TNNI3K: variants seen among roughly 807,000 people sequenced by gnomAD.
TNNI3K encodes the protein serine/threonine-protein kinase TNNI3K.
TNNI3K carries 140 observed loss-of-function variants against 114.5 expected under a neutral mutation model. That is an observed-to-expected ratio of 1.22 (90% CI 1.07 to 1.41). TNNI3K has a LOEUF of 1.41. Ranked by LOEUF, TNNI3K falls within the 40% of genes most tolerant of loss-of-function variation. The pLI is 0.00. For synonymous variants in TNNI3K, 347 were observed against 347.5 expected, an observed-to-expected ratio of 1.00 and a Z score of 0.02; for missense variants, 1,125 against 1,007.6, an observed-to-expected ratio of 1.12 and a Z score of -1.58.
intron 2 of TNNI3K, 51 bp from the exon 3 acceptor site, chr1:74,249,408 C>A: frequency 6.5e-7 from 1 of 1,541,512 alleles, no homozygotes; most frequent in Non-Finnish European, 8.8e-7. Flanking sequence ...AAATGAAAGA[C>A]AATATGCTAA....
chr1:74,466,013 CTT>C (rs1416717652), intron 21 of TNNI3K, among the ~76,000 whole-genome samples: 2 of 152,316 alleles, frequency 1.3e-5, no homozygotes, highest in East Asian at 1.9e-4. Flanking sequence ...GATGTTCACT[CTT>C]TGGTCCACGC....
At chr1:74,326,494 G>T (rs1441975616) in intron 5 of TNNI3K, among the ~76,000 whole-genome samples, 1 of 152,140 alleles carries the variant, frequency 6.6e-6, no homozygotes, top group Non-Finnish European at 1.5e-5. Flanking sequence ...TTTAAATAAG[G>T]TCTGGCTATT....
chr1:74,485,935 G>A (rs1475848024), intron 21 of TNNI3K, among the ~76,000 whole-genome samples: 2 of 152,116 alleles, frequency 1.3e-5, no homozygotes, highest in Non-Finnish European at 2.9e-5. Flanking sequence ...GAATCACAGT[G>A]CCTGCTGACT....
chr1:74,408,465 G>A (rs1570584594), intron 17 of TNNI3K, among the ~76,000 whole-genome samples: 1 of 152,186 alleles, frequency 6.6e-6, no homozygotes, highest in Non-Finnish European at 1.5e-5. Context: ...ATTGCCCAAT[G>A]TATAACAGAT....
chr1:74,310,493 A>G (rs543231866), intron 5 of TNNI3K, among the ~76,000 whole-genome samples: 1 of 152,288 alleles, frequency 6.6e-6, no homozygotes, highest in East Asian at 1.9e-4. Flanking sequence ...GAACCAAAAA[A>G]TACCCTGAAT....
intron 23 of TNNI3K, among the ~76,000 whole-genome samples, chr1:74,500,734 A>G (rs549095758): frequency 5.0e-4 from 75 of 149,258 alleles, no homozygotes; most frequent in Non-Finnish European, 1.0e-3. Flanking sequence ...GATATTTAGT[A>G]GATAGAGGAT....
chr1:74,248,839 T>C (rs1654752172), intron 2 of TNNI3K, among the ~76,000 whole-genome samples: 2 of 152,226 alleles, frequency 1.3e-5, no homozygotes, highest in Non-Finnish European at 2.9e-5. Context: ...GTCTTCATTC[T>C]GAAGGCTCTT....
chr1:74,314,543 G>A (rs1473301833), intron 5 of TNNI3K, among the ~76,000 whole-genome samples: 1 of 152,076 alleles, frequency 6.6e-6, no homozygotes, highest in Non-Finnish European at 1.5e-5. Flanking sequence ...GTTTAAAAAT[G>A]GGGGTGTGGA....
intron 5 of TNNI3K, among the ~76,000 whole-genome samples, chr1:74,324,389 G>A (rs1570466797): frequency 6.6e-6 from 1 of 152,232 alleles, no homozygotes; most frequent in East Asian, 1.9e-4. Flanking sequence ...ACTGCAAACA[G>A]TAACATAGTC....
intron 20 of TNNI3K, among the ~76,000 whole-genome samples, chr1:74,459,839 AC>A (rs1667374193): frequency 6.6e-6 from 1 of 152,094 alleles, no homozygotes. Flanking sequence ...ACAAATTGAC[AC>A]CATGGTTATA....
intron 20 of TNNI3K, among the ~76,000 whole-genome samples, chr1:74,447,056 A>G (rs1666729185): frequency 1.4e-5 from 2 of 147,230 alleles, no homozygotes; most frequent in Admixed American, 6.9e-5. Flanking sequence ...ACTTTAAAGT[A>G]GTTTTTTCCA....
chr1:74,341,112 G>A (rs1275130597), intron 7 of TNNI3K, among the ~76,000 whole-genome samples: 1 of 152,098 alleles, frequency 6.6e-6, no homozygotes, highest in Non-Finnish European at 1.5e-5. Flanking sequence ...TAAAACAAAT[G>A]GCTTTAGAGC....
At chr1:74,236,320 T>C (rs1240283844) in intron 2 of TNNI3K, 110 bp downstream of exon 2, 1 of 908,220 alleles carries the variant, frequency 1.1e-6, no homozygotes, top group Non-Finnish European at 1.6e-6. Context: ...ACATAAGCAG[T>C]CATGTTCTAA....
At chr1:74,344,742 GAGA>G (rs1660912453) in intron 9 of TNNI3K, among the ~76,000 whole-genome samples, 1 of 152,158 alleles carries the variant, frequency 6.6e-6, no homozygotes. Context: ...TTGTTTATAT[GAGA>G]AGATTTGTAA....
chr1:74,303,603 G>A (rs1557485529), intron 5 of TNNI3K, among the ~76,000 whole-genome samples: 1 of 152,162 alleles, frequency 6.6e-6, no homozygotes, highest in Non-Finnish European at 1.5e-5. Flanking sequence ...GGAGATGAAT[G>A]TTGCTTTCCT....
intron 21 of TNNI3K, chr1:74,470,617 T>A (rs1557586799): frequency 1.7e-5 from 7 of 400,602 alleles, no homozygotes; most frequent in East Asian, 7.1e-5. Flanking sequence ...ATCATAAGTT[T>A]CTGTTTTTGA....
In TNNI3K at chr1:74,466,535, G is replaced by T. The variant is rs113402190; in HGVS notation, c.2121+2985G>T. On this transcript the variant is annotated intron_variant, in intron 21 of 24. Coordinates refer to ENST00000326637, the MANE Select transcript of TNNI3K (RefSeq NM_015978.3). The stretch of plus-strand genomic sequence containing the variant: ...GTTGTACTGTTAAGAAGTGAAGTTT[G>T]TCAGCACGGAGTCTTTGTTCTGCTG... 3.4e-3 allele frequency among the ~76,000 whole-genome samples: 511 copies of T among 152,306 alleles called. 3 individuals are homozygous for T. Among genetic ancestry groups the T allele is most frequent in the African/African-American group, 0.012 (488 of 41,576 alleles).
chr1:74,416,474 A>G (rs890571982), intron 17 of TNNI3K: 2 of 975,528 alleles, frequency 2.1e-6, no homozygotes, highest in East Asian at 2.3e-4. Flanking sequence ...AGATTCTCCC[A>G]AAAGGTAGAG....
At chr1:74,320,498 C>A (rs1399586211) in intron 5 of TNNI3K, among the ~76,000 whole-genome samples, 3 of 152,156 alleles carry the variant, frequency 2.0e-5, no homozygotes, top group African/African-American at 7.2e-5. Context: ...AAGAAAGTAT[C>A]TTGCAATATA....
Sources: allele counts gnomAD v4.1 joint callset (sites outside exome capture counted in the v4.1 genomes callset), GRCh38; gene constraint gnomAD v4.1.1; transcripts MANE v1.5; gene names NCBI Gene and HGNC (gene_info 2026-07-23, HGNC 2026-07-21).